USP47: variants seen among roughly 807,000 people sequenced by gnomAD.
USP47 encodes ubiquitin specific peptidase 47, also known as ubiquitin carboxyl-terminal hydrolase 47.
In USP47, 35 loss-of-function variants were observed where a neutral mutation model predicts 165.1. The ratio of observed to expected loss-of-function variants is 0.21; its 90% CI spans 0.16 to 0.28. USP47 has a LOEUF of 0.28. USP47 is among the 10% of genes least tolerant of loss of function. The pLI is 1.00. For missense variants in USP47, 1,277 were observed against 1,607.4 expected (o/e 0.79, Z 3.52); for synonymous variants, 531 against 544.5 (o/e 0.98, Z 0.35).
At position 11,891,958 on chromosome 11, in the gene USP47, T is replaced by C; in HGVS notation, c.358-10T>C. 1 of 1,608,324 alleles carries C rather than the reference T, an allele frequency of 6.2e-7. No individual in the cohort carries two copies. The highest frequency in any genetic ancestry group is 8.5e-7 in the Non-Finnish European group (1 of 1,178,030). On this transcript the variant is annotated splice_polypyrimidine_tract_variant and intron_variant, in intron 3 of 27. Coordinates refer to ENST00000527733, the MANE Select transcript of USP47 (RefSeq NM_001282659.2). ...CTATTTACTAACTATTTGAATATGTTGCATTTTAGGAGGATTCCAGTGCTG... is the reference window on the plus strand; with the variant it reads ...CTATTTACTAACTATTTGAATATGTCGCATTTTAGGAGGATTCCAGTGCTG...
At chr11:11,906,218 A>T (rs1459491099) in intron 8 of USP47, among the ~76,000 whole-genome samples, 1 of 152,150 alleles carries the variant, frequency 6.6e-6, no homozygotes, top group Non-Finnish European at 1.5e-5. Flanking sequence ...ATACGACAGG[A>T]AAATAATGGA....
chr11:11,923,050 A>C (rs1356299370), intron 11 of USP47, among the ~76,000 whole-genome samples, 159 bp downstream of exon 11: 2 of 23,052 alleles, frequency 8.7e-5, no homozygotes, highest in South Asian at 5.1e-3. Context: ...ACATATATAT[A>C]TATATATATA....
intron 11 of USP47, among the ~76,000 whole-genome samples, chr11:11,927,918 T>C (rs1854371305): frequency 6.6e-6 from 1 of 151,904 alleles, no homozygotes; most frequent in Admixed American, 6.6e-5. Context: ...TTGGGAACCC[T>C]TACTCTGTCA....
At chr11:11,912,212 T>TA (rs1469005335) in intron 8 of USP47, among the ~76,000 whole-genome samples, 1 of 150,570 alleles carries the variant, frequency 6.6e-6, no homozygotes, top group Non-Finnish European at 1.5e-5. Flanking sequence ...AAGGACATAA[T>TA]AAAGAAAAGC....
Position 11,842,183 on chromosome 11 carries a change from G to C in USP47, c.-3G>C. ...GGGCGGAGAGGAGCGGCCGGAGTCA[G>C]CGATGGTGCCCGGCGAGGAGAACCA... On this transcript the variant is annotated 5_prime_UTR_variant, in exon 1 of 28. Coordinates refer to ENST00000527733, the MANE Select transcript of USP47 (RefSeq NM_001282659.2). 3 of 1,553,424 alleles carry C rather than the reference G, an allele frequency of 1.9e-6. No individual in the cohort carries two copies. The highest frequency in any genetic ancestry group is 2.6e-6 in the Non-Finnish European group (3 of 1,147,554).
At chr11:11,909,199 T>C (rs1174771895) in intron 8 of USP47, among the ~76,000 whole-genome samples, 1 of 152,140 alleles carries the variant, frequency 6.6e-6, no homozygotes, top group Non-Finnish European at 1.5e-5. Context: ...AAATATGTGT[T>C]ATAATTTCCT....
At position 11,956,244 on chromosome 11, in the gene USP47, G is replaced by C. The variant is rs1564898608; in HGVS notation, c.*69G>C. ...TTAGATGGTTCACTACCACTGGGTAGTGCCATTTTGGCCGGACATGGTTGG... is the reference window on the plus strand; with the variant it reads ...TTAGATGGTTCACTACCACTGGGTACTGCCATTTTGGCCGGACATGGTTGG... On this transcript the variant is annotated 3_prime_UTR_variant, in exon 28 of 28. Transcript: ENST00000527733. The C allele has an allele frequency of 6.3e-7, 1 of 1,575,338 alleles. No individual in the cohort carries two copies. Among genetic ancestry groups the C allele is most frequent in the East Asian group, 2.3e-5 (1 of 44,288 alleles).
At chr11:11,886,540 G>C (rs1486082400) in intron 3 of USP47, among the ~76,000 whole-genome samples, 1 of 151,986 alleles carries the variant, frequency 6.6e-6, no homozygotes, top group East Asian at 1.9e-4. Flanking sequence ...GACAAGAATA[G>C]AGAAAAAAGA....
At chr11:11,913,973 C>G (rs1375327982) in intron 8 of USP47, among the ~76,000 whole-genome samples, 1 of 152,034 alleles carries the variant, frequency 6.6e-6, no homozygotes, top group Non-Finnish European at 1.5e-5. Flanking sequence ...AAGATAATTA[C>G]ATAGTCTTAA....
intron 1 of USP47, among the ~76,000 whole-genome samples, chr11:11,851,633 A>G (rs922340613): frequency 2.0e-5 from 3 of 152,218 alleles, no homozygotes; most frequent in African/African-American, 7.2e-5. Context: ...TACAGAATTT[A>G]TTCAGATTTT....
At chr11:11,861,609 GTTTTA>G (rs1849391293) in intron 1 of USP47, among the ~76,000 whole-genome samples, 1 of 152,098 alleles carries the variant, frequency 6.6e-6, no homozygotes, top group African/African-American at 2.4e-5. Flanking sequence ...GATCAAAGGA[GTTTTA>G]TTTATTTTCT....
In USP47 at chr11:11,920,505, G is replaced by T. The variant is rs907639746; in HGVS notation, c.1218+11G>T. The T allele has an allele frequency of 6.3e-6, 10 of 1,590,912 alleles. No homozygotes were observed. Among genetic ancestry groups the T allele is most frequent in the Non-Finnish European group, 7.7e-6 (9 of 1,171,512 alleles). ...GATGTTGAAGATGAGGTAAATATTTGTTATTTTAAAGTATTTTTCATTAAT... is the reference window on the plus strand; with the variant it reads ...GATGTTGAAGATGAGGTAAATATTTTTTATTTTAAAGTATTTTTCATTAAT... On this transcript the variant is annotated intron_variant, in intron 10 of 27. Transcript: ENST00000527733.
At chr11:11,900,203 G>A (rs759949348) in intron 5 of USP47, among the ~76,000 whole-genome samples, 1 of 139,094 alleles carries the variant, frequency 7.2e-6, no homozygotes, top group Admixed American at 7.9e-5. Flanking sequence ...CTGTCGCCCA[G>A]GCTGGAGTGC....
At position 11,956,110 on chromosome 11, in the gene USP47, C is replaced by T. The variant is rs374782538; in HGVS notation, c.4003C>T (p.Arg1335Cys). ...KTGHRVTYSP[R>C]KEKALKIYLD... The stretch of plus-strand genomic sequence containing the variant: ...TGGACATCGTGTAACATACTCACCT[C>T]GTAAAGAGAAAGCACTAAAAATATA... Residue 1335 changes from arginine to cysteine, a missense_variant, in exon 28 of 28, where the codon CGT becomes TGT. Physicochemically the swap from Arg to Cys is radical, Grantham distance 180. Around this residue, in one of 4 missense-constraint regions of USP47, gnomAD observed 909 missense variants for 1,068.1 expected, o/e 0.85. Coordinates refer to ENST00000527733, the MANE Select transcript of USP47 (RefSeq NM_001282659.2). The T allele has an allele frequency of 5.6e-6, 9 of 1,613,676 alleles. No homozygotes were observed. Among genetic ancestry groups the T allele is most frequent in the Admixed American group, 1.7e-5 (1 of 59,952 alleles).
chr11:11,861,356 A>C (rs2134193774), intron 1 of USP47, among the ~76,000 whole-genome samples: 1 of 152,274 alleles, frequency 6.6e-6, no homozygotes, highest in East Asian at 1.9e-4. Flanking sequence ...TTGGCCTCTG[A>C]AAGTGCTGGG....
At chr11:11,885,689 A>G (rs549785188) in intron 3 of USP47, among the ~76,000 whole-genome samples, 1 of 152,280 alleles carries the variant, frequency 6.6e-6, no homozygotes, top group African/African-American at 2.4e-5. Flanking sequence ...AAGTCCATAC[A>G]TAAATACCCC....
chr11:11,940,529 G>A lies in USP47; in HGVS notation c.2294G>A (p.Gly765Glu). The A allele has an allele frequency of 6.2e-7, 1 of 1,611,396 alleles. No individual in the cohort carries two copies. The highest frequency in any genetic ancestry group is 8.5e-7 in the Non-Finnish European group (1 of 1,178,284). Residue 765 changes from glycine to glutamate, a missense_variant, in exon 19 of 28, where the codon GGA (glycine) becomes GAA (glutamate). This residue lies in a region of USP47 where 909 missense variants were observed against 1,068.1 expected (regional missense o/e 0.85). Transcript: ENST00000527733. ...TCCAGTAAAACCCTGAAAGCTGAAGGATTTTTTAGAAGTAACAAGGTATGT... is the reference window on the plus strand; with the variant it reads ...TCCAGTAAAACCCTGAAAGCTGAAGAATTTTTTAGAAGTAACAAGGTATGT... ...SVSSKTLKAE[G>E]FFRSNKVFVE... is the part of the protein sequence containing the mutation.
At position 11,959,602 on chromosome 11, in the gene USP47, G is replaced by A. The variant is rs1400188025; in HGVS notation, c.*3427G>A. On this transcript the variant is annotated 3_prime_UTR_variant, in exon 28 of 28. Coordinates refer to ENST00000527733, the MANE Select transcript of USP47 (RefSeq NM_001282659.2). ...CATTTGGTTAGATACAGCATTAATT[G>A]TCACAACTTGACTTTCAGAAACAAG... is the stretch of plus-strand genomic sequence containing the variant. Among the ~76,000 whole-genome samples the A allele has an allele frequency of 2.0e-5, 3 of 152,186 alleles. No homozygotes were observed. Among genetic ancestry groups the A allele is most frequent in the African/African-American group, 7.2e-5 (3 of 41,444 alleles).
intron 1 of USP47, among the ~76,000 whole-genome samples, chr11:11,866,806 T>C (rs1424100230): frequency 6.6e-6 from 1 of 152,194 alleles, no homozygotes; most frequent in Non-Finnish European, 1.5e-5. Flanking sequence ...GGCCCACACT[T>C]TTTCCTATTG....
Sources: allele counts gnomAD v4.1 joint callset (sites outside exome capture counted in the v4.1 genomes callset), GRCh38; gene constraint gnomAD v4.1.1; regional missense constraint gnomAD v4.1.1; transcripts MANE v1.5; gene names NCBI Gene and HGNC (gene_info 2026-07-23, HGNC 2026-07-21).